The following PDE4D variants were observed in gnomAD, a reference collection of about 807,000 sequenced individuals.
PDE4D encodes 3',5'-cyclic-AMP phosphodiesterase 4D.
PDE4D carries 24 observed loss-of-function variants against 87.4 expected under a neutral mutation model. That is an observed-to-expected ratio of 0.27 (90% CI 0.20 to 0.39). The LOEUF (loss-of-function observed/expected upper bound fraction) is 0.39. Among genes scored for constraint, PDE4D ranks in the 10% least tolerant of loss-of-function variants. PDE4D has a pLI of 1.00. For missense variants in PDE4D, 714 were observed against 1,041.0 expected, an observed-to-expected ratio of 0.69 and a Z score of 4.32; for synonymous variants, 384 against 383.2, an observed-to-expected ratio of 1.00 and a Z score of -0.02.
At chr5:59,742,558 C>A (rs1580811415) in intron 1 of PDE4D, among the ~76,000 whole-genome samples, 2 of 152,106 alleles carry the variant, frequency 1.3e-5, no homozygotes, top group African/African-American at 4.8e-5. Context: ...TTTGAACAAC[C>A]CTAATTCTAG....
intron 6 of PDE4D, among the ~76,000 whole-genome samples, chr5:59,020,420 C>T (rs1754914022): frequency 6.7e-6 from 1 of 150,286 alleles, no homozygotes; most frequent in African/African-American, 2.5e-5. Context: ...TGGCAGTGAG[C>T]CGAGATTGTG....
chr5:59,101,787 T>C (rs1485041434), intron 5 of PDE4D, among the ~76,000 whole-genome samples: 1 of 152,016 alleles, frequency 6.6e-6, no homozygotes, highest in East Asian at 1.9e-4. Context: ...AGATCTGGCA[T>C]TTCAGGGTCA....
intron 1 of PDE4D, among the ~76,000 whole-genome samples, chr5:60,484,026 T>C (rs1374261425): frequency 6.6e-6 from 1 of 152,124 alleles, no homozygotes; most frequent in Non-Finnish European, 1.5e-5. Flanking sequence ...CCTAAAAATT[T>C]GGGATTCAAA....
chr5:59,172,004 TA>T (rs1328993275), intron 5 of PDE4D, among the ~76,000 whole-genome samples: 1 of 69,532 alleles, frequency 1.4e-5, no homozygotes, highest in African/African-American at 7.2e-5. Flanking sequence ...ATATATATAA[TA>T]AATATATATT....
chr5:60,398,035 T>C lies in PDE4D; in HGVS notation c.-90+89907A>G, dbSNP rs138474653. 6.5e-3 allele frequency among the ~76,000 whole-genome samples: 989 copies of C among 152,296 alleles called. 10 individuals are homozygous for C. Among genetic ancestry groups the C allele is most frequent in the African/African-American group, 0.022 (933 of 41,562 alleles). On this transcript the variant is annotated intron_variant, in intron 1 of 16. Transcript: ENST00000502484. ...TCAGGATTACCCCAGAAGATATAATTAGGATAGACCATGAATCCAAGAGGT... is the reference window on the plus strand; with the variant it reads ...TCAGGATTACCCCAGAAGATATAATCAGGATAGACCATGAATCCAAGAGGT...
chr5:60,330,042 A>T (rs1028673779), intron 1 of PDE4D, among the ~76,000 whole-genome samples: 4 of 85,868 alleles, frequency 4.7e-5, no homozygotes, highest in African/African-American at 1.6e-4. Context: ...TAAATGAGAT[A>T]AAAAAAGTCA....
At chr5:59,136,956 C>G (rs937219285) in intron 5 of PDE4D, among the ~76,000 whole-genome samples, 1 of 152,182 alleles carries the variant, frequency 6.6e-6, no homozygotes, top group Non-Finnish European at 1.5e-5. Context: ...AAGACTTCCC[C>G]AGTTTTAGCA....
intron 1 of PDE4D, among the ~76,000 whole-genome samples, chr5:60,304,907 C>T (rs974358660): frequency 2.6e-5 from 4 of 151,824 alleles, no homozygotes; most frequent in African/African-American, 9.7e-5. Flanking sequence ...ATTAAGTTTT[C>T]AACACCATTG....
Position 60,372,230 on chromosome 5 carries a change from T to C in PDE4D, c.-90+115712A>G, listed in dbSNP as rs1168621350. 2.0e-5 allele frequency among the ~76,000 whole-genome samples: 3 copies of C among 151,906 alleles called. No individual in the cohort carries two copies. The East Asian group carries it at 5.8e-4, about 29-fold the overall frequency. On this transcript the variant is annotated intron_variant, in intron 1 of 16. Transcript: ENST00000502484. ...TTGCATTTCCTGCTGGCTAATGAAG[T>C]TGAGCCACCCTGCTTTCTTAAGGTT...
intron 1 of PDE4D, among the ~76,000 whole-genome samples, chr5:59,604,581 C>A (rs1827936355): frequency 6.6e-6 from 1 of 151,930 alleles, no homozygotes; most frequent in South Asian, 2.1e-4. Context: ...TAGAGTAAGA[C>A]CAATAACCCA....
chr5:59,920,976 G>A (rs1581742181), intron 3 of PDE4D, among the ~76,000 whole-genome samples: 1 of 152,248 alleles, frequency 6.6e-6, no homozygotes, highest in South Asian at 2.1e-4. Flanking sequence ...TAACAAACCT[G>A]CACGTTGTGC....
chr5:59,342,395 T>C (rs1778878120), intron 1 of PDE4D, among the ~76,000 whole-genome samples: 1 of 152,182 alleles, frequency 6.6e-6, no homozygotes, highest in Non-Finnish European at 1.5e-5. Flanking sequence ...ATCTTTGATG[T>C]TGATATTTTG....
intron 2 of PDE4D, among the ~76,000 whole-genome samples, chr5:60,038,602 T>C (rs1240237243): frequency 1.3e-5 from 2 of 152,154 alleles, no homozygotes; most frequent in East Asian, 1.9e-4. Flanking sequence ...GGCTCTTTTT[T>C]AGTTCCATAT....
At chr5:59,614,536 C>T (rs191078963) in intron 1 of PDE4D, among the ~76,000 whole-genome samples, 1 of 152,284 alleles carries the variant, frequency 6.6e-6, no homozygotes, top group Admixed American at 6.5e-5. Context: ...TATGTTACTA[C>T]ACATAAAGCA....
intron 5 of PDE4D, among the ~76,000 whole-genome samples, chr5:59,053,402 C>T (rs1761840554): frequency 1.4e-5 from 2 of 139,268 alleles, no homozygotes; most frequent in African/African-American, 2.7e-5. Context: ...CACACACACA[C>T]ACACAATCTC....
chr5:59,857,227 C>T (rs184858736), intron 1 of PDE4D, among the ~76,000 whole-genome samples: 14 of 152,268 alleles, frequency 9.2e-5, no homozygotes, highest in African/African-American at 3.4e-4. Flanking sequence ...TTACACATCA[C>T]GCATTTGTCC....
intron 2 of PDE4D, among the ~76,000 whole-genome samples, chr5:60,153,189 C>A (rs1781666273): frequency 6.6e-6 from 1 of 152,164 alleles, no homozygotes; most frequent in East Asian, 1.9e-4. Context: ...CAAGAAAACA[C>A]ATAACCCTAT....
rs531897377 is a variant in PDE4D at position 60,282,034 on chromosome 5, A to C, written c.-89-96347T>G. Among the ~76,000 whole-genome samples the C allele has an allele frequency of 2.0e-5, 3 of 151,760 alleles. No individual in the cohort carries two copies. In the East Asian group the frequency reaches 5.8e-4, roughly 29 times the overall value. Reference sequence around the variant, plus strand: ...ACTGGCCAACAGGAAAAAAGGAAAAAAAAATGAGAGATACTCTATTTCAAT... The same window carrying C: ...ACTGGCCAACAGGAAAAAAGGAAAACAAAATGAGAGATACTCTATTTCAAT... On this transcript the variant is annotated intron_variant, in intron 1 of 16. Coordinates refer to the PDE4D transcript ENST00000502484.
intron 2 of PDE4D, among the ~76,000 whole-genome samples, chr5:60,103,405 C>A (rs1242340159): frequency 6.6e-6 from 1 of 152,118 alleles, no homozygotes; most frequent in Non-Finnish European, 1.5e-5. Flanking sequence ...AAGAGATGAA[C>A]TATTTCAGCA....
Sources: allele counts gnomAD v4.1 joint callset (sites outside exome capture counted in the v4.1 genomes callset), GRCh38; gene constraint gnomAD v4.1.1; transcripts MANE v1.5; gene names NCBI Gene and HGNC (gene_info 2026-07-23, HGNC 2026-07-21).